The following PCSK2 variants were observed in gnomAD, a reference collection of about 807,000 sequenced individuals.
PCSK2 encodes the protein neuroendocrine convertase 2.
Under a neutral mutation model 69.7 loss-of-function variants are expected in PCSK2, and 14 were observed. That is an observed-to-expected ratio of 0.20 (90% confidence interval 0.13 to 0.31). The LOEUF (loss-of-function observed/expected upper bound fraction) is 0.31. Ranked by LOEUF, PCSK2 falls within the 10% of genes least tolerant of loss-of-function variation. The pLI is 1.00. For synonymous variants in PCSK2, 307 were observed against 320.7 expected, an observed-to-expected ratio of 0.96 and a Z score of 0.46; for missense variants, 544 against 842.5, an observed-to-expected ratio of 0.65 and a Z score of 4.39.
At chr20:17,243,727 A>C (rs1986670425) in intron 1 of PCSK2, among the ~76,000 whole-genome samples, 1 of 152,206 alleles carries the variant, frequency 6.6e-6, no homozygotes, top group Non-Finnish European at 1.5e-5. Context: ...CAAGAAGCAC[A>C]CACCACAACG....
rs576726355 is a variant in PCSK2 at position 17,357,383 on chromosome 20, G to A, written c.283-944G>A. 5.3e-5 allele frequency among the ~76,000 whole-genome samples: 8 copies of A among 152,302 alleles called. No individual in the cohort carries two copies. In the South Asian group the frequency reaches 1.2e-3, roughly 24 times the overall value. The stretch of plus-strand genomic sequence containing the variant: ...GCTCTCCATGCTGGCCTCATTGTTT[G>A]TCTGTTTGTTCTTGTCTTGGGGAAG... On this transcript the variant is annotated intron_variant, in intron 2 of 11. Transcript: ENST00000262545.
intron 6 of PCSK2, among the ~76,000 whole-genome samples, chr20:17,411,090 T>G (rs1159327278): frequency 6.6e-6 from 1 of 152,280 alleles, no homozygotes; most frequent in Admixed American, 6.5e-5. Flanking sequence ...ATAAAAATAC[T>G]CCTTAAAAAA....
chr20:17,358,130 AC>A lies in PCSK2; in HGVS notation c.283-190del, dbSNP rs139541917. 2.7e-5 allele frequency among the ~76,000 whole-genome samples: 4 copies of A among 150,710 alleles called. No homozygotes were observed. In the East Asian group the frequency reaches 7.9e-4, roughly 30 times the overall value. On this transcript the variant is annotated intron_variant, in intron 2 of 11. Coordinates refer to ENST00000262545, the MANE Select transcript of PCSK2 (RefSeq NM_002594.5). ...AGACCAGCCTGGGAAACATAGCGAG[AC>A]CCCCCCTAATCTCTACAAAAAAATA...
chr20:17,227,398 G>A lies in PCSK2; in HGVS notation c.93G>A (p.Thr31=), dbSNP rs775161844. 6.2e-7 allele frequency: 1 copy of A among 1,613,836 alleles called. No individual in the cohort carries two copies. The highest frequency in any genetic ancestry group is 8.5e-7 in the Non-Finnish European group (1 of 1,179,872). The change falls in exon 1 of 12, where the codon ACG becomes ACA. Residue 31 remains threonine, a synonymous_variant. Coordinates refer to ENST00000262545, the MANE Select transcript of PCSK2 (RefSeq NM_002594.5). The part of the protein sequence containing the change: ...VFASAERPVF[T]NHFLVELHKG... ...CATCTGCTGAGCGACCGGTCTTCAC[G>A]AATCATTTTCTTGTGGAGTTGCATA...
chr20:17,441,671 CCATGAGATCT>C (rs954708802), intron 8 of PCSK2, among the ~76,000 whole-genome samples: 68 of 152,038 alleles, frequency 4.5e-4, no homozygotes, highest in African/African-American at 1.5e-3. Context: ...CTTTTTAAAA[CCATGAGATCT>C]CATGAGATCT....
At chr20:17,340,694 C>T (rs144153021) in intron 2 of PCSK2, among the ~76,000 whole-genome samples, 59 of 152,274 alleles carry the variant, frequency 3.9e-4, no homozygotes, top group Admixed American at 1.2e-3. Context: ...CTGGTTCTTA[C>T]GCTTAGTTAT....
chr20:17,341,366 T>C (rs1232390319), intron 2 of PCSK2, among the ~76,000 whole-genome samples: 2 of 152,240 alleles, frequency 1.3e-5, no homozygotes, highest in East Asian at 3.8e-4. Context: ...GGTTCTTATG[T>C]TTCCACTCAC....
At chr20:17,474,603 T>C (rs2033260741) in intron 11 of PCSK2, among the ~76,000 whole-genome samples, 2 of 152,162 alleles carry the variant, frequency 1.3e-5, no homozygotes, top group African/African-American at 2.4e-5. Flanking sequence ...TTAGTCTTAG[T>C]CGCTAAGGCC....
chr20:17,273,032 C>T (rs768553588), intron 2 of PCSK2, among the ~76,000 whole-genome samples: 5 of 152,056 alleles, frequency 3.3e-5, no homozygotes, highest in Admixed American at 6.6e-5. Flanking sequence ...ATGGATGTTT[C>T]GTCATGAAAT....
intron 2 of PCSK2, among the ~76,000 whole-genome samples, chr20:17,338,725 G>T (rs751518128): frequency 5.3e-5 from 8 of 152,122 alleles, no homozygotes; most frequent in Non-Finnish European, 7.3e-5. Flanking sequence ...CCAGGGAGAG[G>T]GATGGTACTA....
chr20:17,304,844 A>T (rs1410408319), intron 2 of PCSK2, among the ~76,000 whole-genome samples: 1 of 152,232 alleles, frequency 6.6e-6, no homozygotes, highest in Non-Finnish European at 1.5e-5. Flanking sequence ...AGAATTTTTC[A>T]GTACCCAGAA....
At chr20:17,458,357 T>TCTAATCC (rs1322068329) in intron 10 of PCSK2, among the ~76,000 whole-genome samples, 3 of 152,184 alleles carry the variant, frequency 2.0e-5, no homozygotes, top group Non-Finnish European at 4.4e-5. Flanking sequence ...CTGGCCTCAG[T>TCTAATCC]CTAATCCCGA....
intron 1 of PCSK2, among the ~76,000 whole-genome samples, chr20:17,243,345 C>T (rs1986653549): frequency 6.6e-6 from 1 of 152,082 alleles, no homozygotes; most frequent in Non-Finnish European, 1.5e-5. Context: ...AGACTACAGG[C>T]ACACACCACC....
chr20:17,474,198 C>T (rs1044963043), intron 11 of PCSK2, among the ~76,000 whole-genome samples: 1 of 152,166 alleles, frequency 6.6e-6, no homozygotes, highest in Admixed American at 6.5e-5. Flanking sequence ...GGTCTTCTGC[C>T]TGTGTCTCTG....
rs1985988392 is a variant in PCSK2, at chr20:17,227,818, C to T, written c.177+336C>T. On this transcript the variant is annotated intron_variant, in intron 1 of 11. Coordinates refer to ENST00000262545, the MANE Select transcript of PCSK2 (RefSeq NM_002594.5). Reference sequence around the variant, plus strand: ...GCTGCCTGGGGATGGAGGGATGAAGCCCTGAACAGCTAAGCCTGGCGTTGG... The same window carrying T: ...GCTGCCTGGGGATGGAGGGATGAAGTCCTGAACAGCTAAGCCTGGCGTTGG... Among the ~76,000 whole-genome samples the T allele has an allele frequency of 3.9e-5, 6 of 152,188 alleles. No homozygotes were observed. The South Asian group carries it at 1.2e-3, about 31-fold the overall frequency.
At chr20:17,404,544 G>T (rs1040675178) in intron 5 of PCSK2, among the ~76,000 whole-genome samples, 1 of 152,188 alleles carries the variant, frequency 6.6e-6, no homozygotes, top group Non-Finnish European at 1.5e-5. Context: ...GTGAGCTGGG[G>T]CTCAGTATCT....
chr20:17,380,591 A>T (rs2031061205), intron 5 of PCSK2, among the ~76,000 whole-genome samples: 1 of 152,176 alleles, frequency 6.6e-6, no homozygotes, highest in Non-Finnish European at 1.5e-5. Context: ...TGATAATTCA[A>T]TTCAGTAGTG....
chr20:17,290,320 T>G (rs1425617478), intron 2 of PCSK2, among the ~76,000 whole-genome samples: 1 of 152,218 alleles, frequency 6.6e-6, no homozygotes, highest in Non-Finnish European at 1.5e-5. Flanking sequence ...TCCCTAAGGA[T>G]CTGTATGATC....
At chr20:17,277,586 T>C (rs1988133141) in intron 2 of PCSK2, among the ~76,000 whole-genome samples, 1 of 149,766 alleles carries the variant, frequency 6.7e-6, no homozygotes, top group Non-Finnish European at 1.5e-5. Context: ...GATTAAAGAC[T>C]TAAATGTTAG....
Sources: allele counts gnomAD v4.1 joint callset (sites outside exome capture counted in the v4.1 genomes callset), GRCh38; gene constraint gnomAD v4.1.1; transcripts MANE v1.5; gene names NCBI Gene and HGNC (gene_info 2026-07-23, HGNC 2026-07-21).